SLC4A4: variants seen among roughly 807,000 people sequenced by gnomAD.
SLC4A4 encodes solute carrier family 4 member 4.
SLC4A4 carries 27 observed loss-of-function variants against 111.5 expected under a neutral mutation model. The ratio of observed to expected loss-of-function variants is 0.24; its 90% confidence interval spans 0.18 to 0.33. SLC4A4 has a LOEUF of 0.33. Ranked by LOEUF, SLC4A4 falls within the 10% of genes least tolerant of loss-of-function variation. The probability of loss-of-function intolerance (pLI) is 1.00; values close to 1 mark genes in which losing one functional copy is unlikely to be tolerated. For synonymous variants in SLC4A4, 443 were observed against 463.4 expected (o/e 0.96, Z 0.57); for missense variants, 909 against 1,315.5 (o/e 0.69, Z 4.78).
intron 3 of SLC4A4, among the ~76,000 whole-genome samples, chr4:71,274,139 A>G (rs1722901115): frequency 6.6e-6 from 1 of 152,356 alleles, no homozygotes; most frequent in Admixed American, 6.5e-5. Context: ...CTGTATTCAT[A>G]TAATAAAGTT....
chr4:71,500,327 T>A (rs925699828), intron 16 of SLC4A4, among the ~76,000 whole-genome samples: 1 of 152,190 alleles, frequency 6.6e-6, no homozygotes, highest in African/African-American at 2.4e-5. Flanking sequence ...GCTTTTGTTG[T>A]CAAAAAATAA....
At chr4:71,419,430 C>T (rs557747801) in intron 7 of SLC4A4, among the ~76,000 whole-genome samples, 9 of 152,362 alleles carry the variant, frequency 5.9e-5, no homozygotes, top group Admixed American at 5.2e-4. Context: ...TCACTGCCGC[C>T]TTGCAGTTTG....
At chr4:71,196,508 C>T (rs949131365) in intron 1 of SLC4A4, among the ~76,000 whole-genome samples, 1 of 152,022 alleles carries the variant, frequency 6.6e-6, no homozygotes, top group Non-Finnish European at 1.5e-5. Flanking sequence ...ATTGCCAAAA[C>T]CTTAGGCAGT....
At position 71,534,210 on chromosome 4, in the gene SLC4A4, C is replaced by T; in HGVS notation, c.2281-17C>T. On this transcript the variant is annotated splice_polypyrimidine_tract_variant and intron_variant, in intron 17 of 25. Transcript: ENST00000264485. ...AACCTGATAATTTTCTGAAAAATGT[C>T]ATCTGTCTTTTTCAAGCCAACAAGT... is the stretch of plus-strand genomic sequence containing the variant. 4.3e-6 allele frequency: 7 copies of T among 1,612,710 alleles called. No individual in the cohort carries two copies. Among genetic ancestry groups the T allele is most frequent in the Non-Finnish European group, 5.9e-6 (7 of 1,179,108 alleles).
intron 5 of SLC4A4, among the ~76,000 whole-genome samples, chr4:71,355,153 C>T (rs1331991262): frequency 6.6e-6 from 1 of 152,110 alleles, no homozygotes; most frequent in Admixed American, 6.5e-5. Context: ...ACTGGCTGTG[C>T]ATACATAAAG....
At chr4:71,120,862 T>A (rs1578498665) in intron 2 of SLC4A4, among the ~76,000 whole-genome samples, 1 of 152,178 alleles carries the variant, frequency 6.6e-6, no homozygotes, top group South Asian at 2.1e-4. Flanking sequence ...CACTGCACTG[T>A]GGGAGCCCCT....
intron 3 of SLC4A4, among the ~76,000 whole-genome samples, chr4:71,282,036 A>G (rs1228857599): frequency 2.6e-5 from 4 of 151,904 alleles, no homozygotes; most frequent in Non-Finnish European, 5.9e-5. Context: ...CATGCATACA[A>G]GTTCTGAAAA....
chr4:71,444,335 A>T (rs1330686702), intron 8 of SLC4A4, among the ~76,000 whole-genome samples: 2 of 152,226 alleles, frequency 1.3e-5, no homozygotes, highest in Non-Finnish European at 2.9e-5. Context: ...AATTAACTAT[A>T]TGAAAAAACT....
intron 1 of SLC4A4, among the ~76,000 whole-genome samples, chr4:71,072,078 A>C (rs566200359): frequency 1.1e-4 from 17 of 152,274 alleles, no homozygotes; most frequent in Non-Finnish European, 2.5e-4. Flanking sequence ...TGCCATGTGA[A>C]ATTTTAAAAT....
At chr4:71,512,672 C>T (rs992860691) in intron 16 of SLC4A4, among the ~76,000 whole-genome samples, 1 of 151,744 alleles carries the variant, frequency 6.6e-6, no homozygotes, top group Non-Finnish European at 1.5e-5. Flanking sequence ...GTTTGGTTGC[C>T]AATGAATTTC....
chr4:71,077,962 T>G (rs1291051214), intron 1 of SLC4A4, among the ~76,000 whole-genome samples: 2 of 152,182 alleles, frequency 1.3e-5, no homozygotes, highest in Non-Finnish European at 2.9e-5. Context: ...CATATTTATT[T>G]AATCAAGTGT....
rs1722381182 is a variant in SLC4A4, at chr4:71,267,791, C to CAAAAAAAAAAAAAAAGAA, written c.253+12407_253+12408insGAAAAAAAAAAAAAAAAA. On this transcript the variant is annotated intron_variant, in intron 3 of 25. Transcript: ENST00000264485. ...CCTGGATGACAGAGTGAGAGTCTGC[C>CAAAAAAAAAAAAAAAGAA]AAAAAAAAAAAAAAAAAAAAAAAAA... 1.1e-4 allele frequency among the ~76,000 whole-genome samples: 7 copies of CAAAAAAAAAAAAAAAGAA among 62,360 alleles called. 1 individual carries two copies. The highest frequency in any genetic ancestry group is 5.6e-4 in the Admixed American group (2 of 3,556). 40.9% of individuals were successfully genotyped at this position (62,360 alleles called of 152,430 possible).
Position 71,471,694 on chromosome 4 carries a change from G to A in SLC4A4, c.1632-1005G>A, listed in dbSNP as rs533080910. Among the ~76,000 whole-genome samples the A allele has an allele frequency of 2.6e-5, 4 of 152,008 alleles. No homozygotes were observed. In the South Asian group the frequency reaches 8.3e-4, roughly 32 times the overall value. On this transcript the variant is annotated intron_variant, in intron 13 of 25. Coordinates refer to ENST00000264485, the MANE Select transcript of SLC4A4 (RefSeq NM_001098484.3). Reference sequence around the variant, plus strand: ...AAAGCACTCTCCACATAATTTTAAAGGGATCAGTATAAAATGGTAAGACAT... The same window carrying A: ...AAAGCACTCTCCACATAATTTTAAAAGGATCAGTATAAAATGGTAAGACAT...
At chr4:71,150,481 A>G (rs1744286309) in intron 2 of SLC4A4, among the ~76,000 whole-genome samples, 1 of 152,152 alleles carries the variant, frequency 6.6e-6, no homozygotes, top group African/African-American at 2.4e-5. Context: ...GCCAGTAAAT[A>G]CAGAGCCTTT....
intron 2 of SLC4A4, among the ~76,000 whole-genome samples, chr4:71,147,277 T>G (rs890159577): frequency 6.6e-6 from 1 of 152,120 alleles, no homozygotes; most frequent in Admixed American, 6.6e-5. Context: ...CCTCTTAAAT[T>G]TCTTTATTTT....
chr4:71,222,732 C>T (rs1434162020), intron 1 of SLC4A4, among the ~76,000 whole-genome samples: 2 of 152,156 alleles, frequency 1.3e-5, no homozygotes, highest in Non-Finnish European at 2.9e-5. Context: ...CTTCAATGTT[C>T]TTGTAATAGT....
intron 4 of SLC4A4, among the ~76,000 whole-genome samples, chr4:71,343,156 G>A (rs76822114): frequency 0.052 from 7,987 of 152,196 alleles, 273 homozygotes; most frequent in East Asian, 0.13. Flanking sequence ...TTTGTTTAAT[G>A]TGTGATTGGT....
rs1001088988 is a variant in SLC4A4, at chr4:71,570,148, C to T, written c.*2397C>T. On this transcript the variant is annotated 3_prime_UTR_variant, in exon 26 of 26. Coordinates refer to ENST00000264485, the MANE Select transcript of SLC4A4 (RefSeq NM_001098484.3). ...TGTTTTATAAAAGCTCTAGATAAAA[C>T]TTTCTTTTCTGATCATGAATCAAGT... 1 of 149,114 alleles carries T rather than the reference C, an allele frequency of 6.7e-6. No individual in the cohort carries two copies. The highest frequency in any genetic ancestry group is 1.5e-5 in the Non-Finnish European group (1 of 66,712). The allele number at this position is 149,114 out of a possible 1,614,324, so 9.2% of individuals were successfully genotyped here. A position where few individuals can be genotyped will look rare whatever the true frequency, so the allele number is the denominator to read the frequency against.
At chr4:71,314,399 C>A (rs1467183064) in intron 3 of SLC4A4, among the ~76,000 whole-genome samples, 6 of 152,114 alleles carry the variant, frequency 3.9e-5, no homozygotes, top group African/African-American at 1.4e-4. Context: ...ACATTTGACC[C>A]AGCAATCCCA....
Sources: gnomAD v4.1 joint callset for allele counts (sites outside exome capture counted in the v4.1 genomes callset) on GRCh38, gnomAD v4.1.1 for gene constraint, MANE v1.5 for transcripts, NCBI Gene and HGNC (gene_info 2026-07-23, HGNC 2026-07-21) for gene names.